FHIT: variants seen among roughly 807,000 people sequenced by gnomAD.
The protein encoded by FHIT is bis(5'-adenosyl)-triphosphatase.
FHIT carries 19 observed loss-of-function variants against 17.9 expected under a neutral mutation model. The ratio of observed to expected loss-of-function variants is 1.06; its 90% CI spans 0.74 to 1.56. The LOEUF is 1.56. Among genes scored for constraint, FHIT ranks in the 40% most tolerant of loss-of-function variants. FHIT has a pLI of 0.00. For missense variants in FHIT, 248 were observed against 189.2 expected (o/e 1.31, Z -1.82); for synonymous variants, 81 against 69.7 (o/e 1.16, Z -0.81).
intron 5 of FHIT, among the ~76,000 whole-genome samples, chr3:60,372,811 T>TA (rs1700385559): frequency 6.6e-6 from 1 of 152,156 alleles, no homozygotes; most frequent in African/African-American, 2.4e-5. Flanking sequence ...TGGAGGCTGA[T>TA]ATGATCAGTG....
intron 4 of FHIT, among the ~76,000 whole-genome samples, chr3:60,672,842 C>G (rs2040537670): frequency 7.1e-6 from 1 of 140,226 alleles, no homozygotes; most frequent in African/African-American, 2.6e-5. Flanking sequence ...CTTTATACCA[C>G]TATTAGGGTT....
rs75199927 is a variant in FHIT, at chr3:60,658,658, G to T, written c.-17-121679C>A. Among the ~76,000 whole-genome samples, 18 of 152,096 alleles carry T rather than the reference G, an allele frequency of 1.2e-4. No homozygotes were observed. The East Asian group carries it at 3.5e-3, about 29-fold the overall frequency. On this transcript the variant is annotated intron_variant, in intron 4 of 9. Coordinates refer to ENST00000492590, the MANE Select transcript of FHIT (RefSeq NM_002012.4). The stretch of plus-strand genomic sequence containing the variant: ...AATATAAACTGATATTTTAAAAGAT[G>T]TATTAGCTTCTCAAATTATGTAGAA...
chr3:60,773,724 C>T (rs11914648), intron 4 of FHIT, among the ~76,000 whole-genome samples: 6,584 of 152,282 alleles, frequency 0.043, 471 homozygotes, highest in African/African-American at 0.15. Flanking sequence ...TGCCCTTTGG[C>T]CTTATAGTTT....
chr3:60,122,724 C>G (rs1177531366), intron 5 of FHIT, among the ~76,000 whole-genome samples: 1 of 152,142 alleles, frequency 6.6e-6, no homozygotes, highest in Non-Finnish European at 1.5e-5. Flanking sequence ...TAAAGACCCA[C>G]AGTGAAGTCT....
chr3:60,883,981 A>G (rs1705093308), intron 3 of FHIT, among the ~76,000 whole-genome samples: 1 of 152,176 alleles, frequency 6.6e-6, no homozygotes, highest in African/African-American at 2.4e-5. Context: ...GGGATTAATA[A>G]CCAAAATATA....
At chr3:60,073,386 A>C (rs1221236195) in intron 5 of FHIT, among the ~76,000 whole-genome samples, 1 of 152,120 alleles carries the variant, frequency 6.6e-6, no homozygotes, top group African/African-American at 2.4e-5. Flanking sequence ...AAGAGAGAAA[A>C]GGATGACAGC....
rs869239307 is a variant in FHIT, at chr3:60,976,096, CTTTTT to C, written c.-111+65946_-111+65950del. Among the ~76,000 whole-genome samples the C allele has an allele frequency of 8.1e-3, 538 of 66,822 alleles. 5 individuals are homozygous for C. The highest frequency in any genetic ancestry group is 0.032 in the African/African-American group (479 of 15,140). 43.8% of individuals were successfully genotyped at this position (66,822 alleles called of 152,430 possible). Reference sequence around the variant, plus strand: ...CTTTGTATCTTTCGTTTTTCTTTTTCTTTTTTTTTTTTTTTTTTTTTTTTTTTTGA... The same window carrying C: ...CTTTGTATCTTTCGTTTTTCTTTTTCTTTTTTTTTTTTTTTTTTTTTTTGA... On this transcript the variant is annotated intron_variant, in intron 3 of 9. Coordinates refer to ENST00000492590, the MANE Select transcript of FHIT (RefSeq NM_002012.4).
intron 5 of FHIT, among the ~76,000 whole-genome samples, chr3:60,145,365 A>G (rs954488562): frequency 1.2e-4 from 18 of 152,206 alleles, no homozygotes; most frequent in African/African-American, 4.3e-4. Flanking sequence ...ACATTATTCT[A>G]CTGATTTTCT....
chr3:60,736,172 T>G (rs1051217588), intron 4 of FHIT, among the ~76,000 whole-genome samples: 1 of 152,162 alleles, frequency 6.6e-6, no homozygotes, highest in Non-Finnish European at 1.5e-5. Context: ...GTGGAGAAAT[T>G]TGAAGTCTCA....
intron 5 of FHIT, among the ~76,000 whole-genome samples, chr3:60,492,205 T>C (rs949197881): frequency 2.0e-5 from 3 of 152,214 alleles, no homozygotes; most frequent in Non-Finnish European, 4.4e-5. Context: ...TACTATATGA[T>C]GCTTATGTGG....
rs574797360 is a variant in FHIT, at chr3:59,909,476, C to T, written c.348+12870G>A. Among the ~76,000 whole-genome samples the T allele has an allele frequency of 3.5e-4, 54 of 152,252 alleles. No homozygotes were observed. The East Asian group carries it at 4.8e-3, about 14-fold the overall frequency. On this transcript the variant is annotated intron_variant, in intron 8 of 9. Transcript: ENST00000492590. Reference sequence around the variant, plus strand: ...TCCTGTGTACATGCGATTATGGGCACGCACCACCACACCTGGCTAATTTTT... The same window carrying T: ...TCCTGTGTACATGCGATTATGGGCATGCACCACCACACCTGGCTAATTTTT...
intron 5 of FHIT, among the ~76,000 whole-genome samples, chr3:60,238,385 T>G (rs1367673897): frequency 2.1e-5 from 2 of 93,174 alleles, no homozygotes; most frequent in South Asian, 6.3e-4. Context: ...AAGAATGAAA[T>G]AAAAGAAAGC....
chr3:60,926,210 C>T (rs1471629886), intron 3 of FHIT, among the ~76,000 whole-genome samples: 9 of 152,296 alleles, frequency 5.9e-5, no homozygotes, highest in East Asian at 5.8e-4. Flanking sequence ...GTGGACCTAA[C>T]AGACATCTAC....
chr3:61,099,460 A>C (rs989183417), intron 2 of FHIT, among the ~76,000 whole-genome samples: 1 of 151,930 alleles, frequency 6.6e-6, no homozygotes, highest in Non-Finnish European at 1.5e-5. Flanking sequence ...GTCCCTCCTC[A>C]ATTTTTTGGA....
chr3:60,690,888 G>C (rs1414065899), intron 4 of FHIT, among the ~76,000 whole-genome samples: 1 of 152,126 alleles, frequency 6.6e-6, no homozygotes, highest in African/African-American at 2.4e-5. Context: ...AGTTCATCCA[G>C]AGTCCTAACT....
At chr3:60,142,183 A>G (rs1559671723) in intron 5 of FHIT, among the ~76,000 whole-genome samples, 1 of 152,152 alleles carries the variant, frequency 6.6e-6, no homozygotes, top group Admixed American at 6.5e-5. Context: ...TATCAGCTCA[A>G]ATCATGACTC....
chr3:59,944,062 A>C (rs1441012818), intron 7 of FHIT, among the ~76,000 whole-genome samples: 1 of 152,240 alleles, frequency 6.6e-6, no homozygotes, highest in Non-Finnish European at 1.5e-5. Flanking sequence ...CTATGATTTA[A>C]CATTTTTATT....
At chr3:60,838,004 A>G (rs1553744173) in intron 3 of FHIT, among the ~76,000 whole-genome samples, 1 of 152,234 alleles carries the variant, frequency 6.6e-6, no homozygotes, top group African/African-American at 2.4e-5. Context: ...AAACACAATT[A>G]GAGCTCTCAA....
intron 2 of FHIT, among the ~76,000 whole-genome samples, chr3:61,053,279 A>G (rs2034093252): frequency 6.6e-6 from 1 of 152,230 alleles, no homozygotes; most frequent in South Asian, 2.1e-4. Flanking sequence ...AATGATGCCC[A>G]CAATACATTC....
Sources: gnomAD v4.1 joint callset for allele counts (sites outside exome capture counted in the v4.1 genomes callset) on GRCh38, gnomAD v4.1.1 for gene constraint, MANE v1.5 for transcripts, NCBI Gene and HGNC (gene_info 2026-07-23, HGNC 2026-07-21) for gene names.